The following NFATC3 variants were observed in gnomAD, a reference collection of about 807,000 sequenced individuals.
NFATC3 encodes nuclear factor of activated T-cells, cytoplasmic 3.
NFATC3 carries 46 observed loss-of-function variants against 98.6 expected under a neutral mutation model. The observed-to-expected ratio is 0.47, with a 90% CI of 0.37 to 0.60. NFATC3 has a LOEUF of 0.60. NFATC3 is among the 20% of genes least tolerant of loss of function. NFATC3 has a pLI of 0.00. For synonymous variants in NFATC3, 512 were observed against 472.2 expected (o/e 1.08, Z -1.09); for missense variants, 1,256 against 1,295.5 (o/e 0.97, Z 0.47).
intron 3 of NFATC3, among the ~76,000 whole-genome samples, chr16:68,156,385 A>G (rs972658319): frequency 6.6e-6 from 1 of 152,182 alleles, no homozygotes; most frequent in Non-Finnish European, 1.5e-5. Flanking sequence ...AGAGAAGAAA[A>G]CTGCAAACCG....
In NFATC3 at chr16:68,094,570, A is replaced by G. The variant is rs1598346058; in HGVS notation, c.103+8786A>G. Among the ~76,000 whole-genome samples the G allele has an allele frequency of 1.3e-5, 2 of 152,270 alleles. 1 individual carries two copies. Among genetic ancestry groups the G allele is most frequent in the South Asian group, 4.2e-4 (2 of 4,818 alleles). ...CCATTTATTCTTCTCTCTCAAGATC[A>G]GTACTCTTTTGGATTTTCTCTCTCT... On this transcript the variant is annotated intron_variant, in intron 1 of 9. Coordinates refer to ENST00000346183, the MANE Select transcript of NFATC3 (RefSeq NM_173165.3).
intron 1 of NFATC3, among the ~76,000 whole-genome samples, chr16:68,098,363 A>AT (rs2035153957): frequency 7.2e-6 from 1 of 139,276 alleles, no homozygotes. Flanking sequence ...GCTGTGATGC[A>AT]TATCTCGGCT....
intron 1 of NFATC3, among the ~76,000 whole-genome samples, chr16:68,121,451 G>A (rs991766479): frequency 1.3e-5 from 2 of 151,300 alleles, no homozygotes. Flanking sequence ...GGAGGCTAAG[G>A]TGGGAGGATA....
At chr16:68,166,694 T>C (rs1215722680) in intron 4 of NFATC3, 149 bp from the exon 5 acceptor site, 1 of 613,066 alleles carries the variant, frequency 1.6e-6, no homozygotes, top group South Asian at 2.5e-5. Flanking sequence ...AACTTCAGTT[T>C]AGCAGTGAAT....
chr16:68,201,952 C>A (rs2040935539), intron 9 of NFATC3, among the ~76,000 whole-genome samples: 2 of 88,776 alleles, frequency 2.3e-5, no homozygotes, highest in African/African-American at 4.7e-5. Context: ...AGTGAGACTC[C>A]ATCTCAAAAA....
chr16:68,155,390 A>C (rs1450656859), intron 3 of NFATC3, among the ~76,000 whole-genome samples: 4 of 152,232 alleles, frequency 2.6e-5, no homozygotes, highest in Admixed American at 6.5e-5. Flanking sequence ...AAGTCTCTCC[A>C]AGCCAATCTC....
At chr16:68,135,606 TGTTTAA>T (rs1428489284) in intron 3 of NFATC3, among the ~76,000 whole-genome samples, 1 of 152,210 alleles carries the variant, frequency 6.6e-6, no homozygotes, top group African/African-American at 2.4e-5. Flanking sequence ...AAGAACTGTC[TGTTTAA>T]TTAAAGCCGA....
In NFATC3 at chr16:68,227,382, T is replaced by G. The variant is rs1567560197; in HGVS notation, c.*911T>G. The G allele has an allele frequency of 6.6e-6, 1 of 152,218 alleles. No individual in the cohort carries two copies. Among genetic ancestry groups the G allele is most frequent in the Non-Finnish European group, 1.5e-5 (1 of 68,060 alleles). The allele number at this position is 152,218 out of a possible 1,614,324, so 9.4% of individuals were successfully genotyped here. On this transcript the variant is annotated 3_prime_UTR_variant, in exon 10 of 10. Transcript: ENST00000346183. ...CTTTTCCAAACAGAAGCATCTGCCTTTGGCTGTTCTGTGACCTTTGAAGCC... is the reference window on the plus strand; with the variant it reads ...CTTTTCCAAACAGAAGCATCTGCCTGTGGCTGTTCTGTGACCTTTGAAGCC...
intron 3 of NFATC3, among the ~76,000 whole-genome samples, chr16:68,133,277 T>G (rs139341666): frequency 6.6e-6 from 1 of 152,058 alleles, no homozygotes; most frequent in Admixed American, 6.6e-5. Flanking sequence ...AATAAAATTA[T>G]GTGTATGTTC....
intron 9 of NFATC3, among the ~76,000 whole-genome samples, chr16:68,202,577 C>T (rs767996322): frequency 6.6e-6 from 1 of 151,970 alleles, no homozygotes; most frequent in Non-Finnish European, 1.5e-5. Flanking sequence ...TTTGGGAGGC[C>T]GAGGCAGGTA....
At chr16:68,192,587 A>G (rs1330074593) in intron 9 of NFATC3, among the ~76,000 whole-genome samples, 1 of 151,840 alleles carries the variant, frequency 6.6e-6, no homozygotes, top group Non-Finnish European at 1.5e-5. Context: ...GGCCAGGCTC[A>G]GTGGCTCACA....
chr16:68,222,662 C>T (rs1230591793), intron 9 of NFATC3, among the ~76,000 whole-genome samples: 3 of 152,188 alleles, frequency 2.0e-5, no homozygotes, highest in Non-Finnish European at 4.4e-5. Context: ...AATGAACTTT[C>T]ACTGTGCTTG....
chr16:68,124,416 GT>G (rs2036723649), intron 2 of NFATC3, among the ~76,000 whole-genome samples: 1 of 137,336 alleles, frequency 7.3e-6, no homozygotes. Flanking sequence ...CCGGCCAGGG[GT>G]TTTTCTTTTC....
At chr16:68,169,748 C>G (rs1202657278) in intron 5 of NFATC3, among the ~76,000 whole-genome samples, 3 of 151,876 alleles carry the variant, frequency 2.0e-5, no homozygotes, top group Non-Finnish European at 4.4e-5. Context: ...TGAGACCAGC[C>G]TGGCCAACAT....
At chr16:68,184,918 C>T (rs201645321) in intron 8 of NFATC3, among the ~76,000 whole-genome samples, 1 of 152,012 alleles carries the variant, frequency 6.6e-6, no homozygotes, top group East Asian at 1.9e-4. Context: ...TTGAAGGGCA[C>T]CATTGATGTT....
In NFATC3 at chr16:68,114,507, T is replaced by G. The variant is rs563951049; in HGVS notation, c.104-7480T>G. ...TAGTCACTTTAAACTCTGCATTGAC[T>G]CTTCAATAAATAACAACTGAGCAGA... is the stretch of plus-strand genomic sequence containing the variant. On this transcript the variant is annotated intron_variant, in intron 1 of 9. Coordinates refer to ENST00000346183, the MANE Select transcript of NFATC3 (RefSeq NM_173165.3). Among the ~76,000 whole-genome samples, 23 of 152,200 alleles carry G rather than the reference T, an allele frequency of 1.5e-4. No homozygotes were observed. In the South Asian group the frequency reaches 1.7e-3, roughly 11 times the overall value.
chr16:68,175,050 A>C (rs2039624704), intron 6 of NFATC3, among the ~76,000 whole-genome samples: 1 of 152,268 alleles, frequency 6.6e-6, no homozygotes, highest in South Asian at 2.1e-4. Flanking sequence ...GAATGGATAA[A>C]CAAAATGTGA....
intron 8 of NFATC3, among the ~76,000 whole-genome samples, chr16:68,187,371 G>T (rs1302094362): frequency 6.6e-6 from 1 of 152,246 alleles, no homozygotes; most frequent in East Asian, 1.9e-4. Flanking sequence ...AACATAGCGA[G>T]CAGGGGGCCT....
chr16:68,100,023 C>G (rs992386659), intron 1 of NFATC3, among the ~76,000 whole-genome samples: 3 of 152,088 alleles, frequency 2.0e-5, no homozygotes, highest in Non-Finnish European at 2.9e-5. Flanking sequence ...GCCTGGCGAT[C>G]CTTCCAAGTT....
Sources: allele counts gnomAD v4.1 joint callset (sites outside exome capture counted in the v4.1 genomes callset), GRCh38; gene constraint gnomAD v4.1.1; transcripts MANE v1.5; gene names NCBI Gene and HGNC (gene_info 2026-07-23, HGNC 2026-07-21).